PRIM2: variants seen among roughly 807,000 people sequenced by gnomAD.
PRIM2 encodes DNA primase large subunit.
PRIM2 carries 39 observed loss-of-function variants against 67.3 expected under a neutral mutation model. The ratio of observed to expected loss-of-function variants is 0.58; its 90% CI spans 0.45 to 0.76. The LOEUF (loss-of-function observed/expected upper bound fraction) is 0.76. Ranked by LOEUF, PRIM2 falls within the 30% of genes least tolerant of loss-of-function variation. PRIM2 has a pLI of 0.00. For synonymous variants in PRIM2, 143 were observed against 198.7 expected, an observed-to-expected ratio of 0.72 and a Z score of 2.36; for missense variants, 398 against 598.7, an observed-to-expected ratio of 0.66 and a Z score of 3.50.
chr6:57,608,661 C>T (rs1301445133), intron 12 of PRIM2, among the ~76,000 whole-genome samples: 1 of 149,534 alleles, frequency 6.7e-6, no homozygotes, highest in African/African-American at 2.5e-5. Flanking sequence ...TCCAGGAAGC[C>T]ATGATCATGC....
chr6:57,589,993 G>C (rs1776258613), intron 10 of PRIM2, among the ~76,000 whole-genome samples: 1 of 152,136 alleles, frequency 6.6e-6, no homozygotes, highest in Non-Finnish European at 1.5e-5. Context: ...CAAGAGCCAG[G>C]CTCAGGAGTC....
intron 10 of PRIM2, among the ~76,000 whole-genome samples, chr6:57,569,631 C>G (rs1411397654): frequency 1.3e-5 from 2 of 152,040 alleles, no homozygotes; most frequent in Non-Finnish European, 2.9e-5. Flanking sequence ...AGAATTTGAA[C>G]ATAAACTTGT....
At chr6:57,343,365 C>T (rs1216134615) in intron 5 of PRIM2, among the ~76,000 whole-genome samples, 1 of 152,130 alleles carries the variant, frequency 6.6e-6, no homozygotes, top group Non-Finnish European at 1.5e-5. Context: ...CTCTTTATAC[C>T]TACCCTCTTG....
At chr6:57,415,918 T>G (rs1367379904) in intron 7 of PRIM2, among the ~76,000 whole-genome samples, 1 of 152,190 alleles carries the variant, frequency 6.6e-6, no homozygotes, top group Non-Finnish European at 1.5e-5. Flanking sequence ...CCACCACATT[T>G]GCAGTGAACT....
At chr6:57,260,517 G>A in the PRIM2 span, among the ~76,000 whole-genome samples, 2 of 152,216 alleles carry the variant, frequency 1.3e-5, no homozygotes, top group East Asian at 3.9e-4. Flanking sequence ...TCATTTTTAT[G>A]AACCCATTCT....
intron 10 of PRIM2, among the ~76,000 whole-genome samples, chr6:57,579,870 C>G (rs1477771320): frequency 2.0e-5 from 3 of 151,836 alleles, no homozygotes; most frequent in African/African-American, 7.2e-5. Flanking sequence ...ATACAAAATG[C>G]AGTACAAGGA....
intron 5 of PRIM2, among the ~76,000 whole-genome samples, chr6:57,345,506 G>GTA (rs1768647020): frequency 8.2e-6 from 1 of 122,248 alleles, no homozygotes; most frequent in Non-Finnish European, 1.7e-5. Flanking sequence ...GTGTGTGTGT[G>GTA]TACATACATA....
At chr6:57,360,815 G>A (rs1024044161) in intron 5 of PRIM2, among the ~76,000 whole-genome samples, 2 of 151,902 alleles carry the variant, frequency 1.3e-5, no homozygotes, top group Admixed American at 1.3e-4. Context: ...CCCTTTTTTT[G>A]ATAACACTAG....
intron 7 of PRIM2, among the ~76,000 whole-genome samples, chr6:57,475,068 C>T (rs1307738966): frequency 1.3e-5 from 2 of 152,094 alleles, no homozygotes; most frequent in Non-Finnish European, 2.9e-5. Context: ...TTTGAGGCTC[C>T]GTCATGAAGG....
intron 7 of PRIM2, among the ~76,000 whole-genome samples, chr6:57,395,300 T>C (rs1290897208): frequency 1.3e-5 from 2 of 152,216 alleles, no homozygotes; most frequent in Admixed American, 6.5e-5. Flanking sequence ...CTGGACTTTT[T>C]GTTGTTGGTA....
chr6:57,635,802 T>C (rs1337640884), intron 13 of PRIM2, among the ~76,000 whole-genome samples: 4 of 152,222 alleles, frequency 2.6e-5, no homozygotes, highest in Non-Finnish European at 5.9e-5. Context: ...AATAGCTTCC[T>C]AACTCGTTTC....
At chr6:57,575,211 G>A (rs1477028805) in intron 10 of PRIM2, among the ~76,000 whole-genome samples, 6 of 152,098 alleles carry the variant, frequency 3.9e-5, no homozygotes, top group Middle Eastern at 3.2e-3. Context: ...GACCATGAAC[G>A]ACCTAGCCCA....
intron 3 of PRIM2, among the ~76,000 whole-genome samples, chr6:57,321,147 G>A (rs904385053): frequency 2.6e-5 from 4 of 152,142 alleles, no homozygotes; most frequent in Admixed American, 6.6e-5. Context: ...GAAGGGGACC[G>A]GTTGAAGAGA....
the PRIM2 span, among the ~76,000 whole-genome samples, chr6:57,279,360 T>C: frequency 6.6e-6 from 1 of 152,172 alleles, no homozygotes; most frequent in African/African-American, 2.4e-5. Context: ...TCAATTCTCA[T>C]ATGGAGTAGT....
At chr6:57,567,633 A>C (rs1468081155) in intron 10 of PRIM2, among the ~76,000 whole-genome samples, 1 of 152,160 alleles carries the variant, frequency 6.6e-6, no homozygotes, top group Non-Finnish European at 1.5e-5. Context: ...ATTCACTAGG[A>C]CATAAAATAC....
intron 5 of PRIM2, among the ~76,000 whole-genome samples, chr6:57,353,172 A>G (rs1306982990): frequency 7.0e-6 from 1 of 141,950 alleles, no homozygotes; most frequent in Admixed American, 7.0e-5. Context: ...CAGTCTTTGG[A>G]TTTTTCCGGT....
chr6:57,236,067 C>T, the PRIM2 span, among the ~76,000 whole-genome samples: 1 of 152,304 alleles, frequency 6.6e-6, no homozygotes, highest in African/African-American at 2.4e-5. Context: ...TAGAGCACTA[C>T]GTTTGTAGTA....
chr6:57,586,703 C>T (rs1330855318), intron 10 of PRIM2, among the ~76,000 whole-genome samples: 1 of 152,186 alleles, frequency 6.6e-6, no homozygotes, highest in Non-Finnish European at 1.5e-5. Flanking sequence ...AAAGGAAGCA[C>T]AGTACCCTCA....
At chr6:57,529,824 G>T (rs1405105178) in intron 8 of PRIM2, among the ~76,000 whole-genome samples, 3 of 152,036 alleles carry the variant, frequency 2.0e-5, no homozygotes, top group African/African-American at 7.3e-5. Flanking sequence ...TCTGAAATTG[G>T]GTAATTTATA....
Sources: allele counts gnomAD v4.1 joint callset (sites outside exome capture counted in the v4.1 genomes callset), GRCh38; gene constraint gnomAD v4.1.1; transcripts MANE v1.5; gene names NCBI Gene and HGNC (gene_info 2026-07-23, HGNC 2026-07-21).